The following TESK2 variants were observed in gnomAD, a reference collection of about 807,000 sequenced individuals.
The protein encoded by TESK2 is testis associated actin remodelling kinase 2, also known as dual specificity testis-specific protein kinase 2.
In TESK2, 39 loss-of-function variants were observed where a neutral mutation model predicts 57.1. That is an observed-to-expected ratio of 0.68 (90% CI 0.53 to 0.89). The LOEUF is 0.89. Among genes scored for constraint, TESK2 ranks in the 40% least tolerant of loss-of-function variants. The pLI is 0.00. For synonymous variants in TESK2, 249 were observed against 267.9 expected (o/e 0.93, Z 0.69); for missense variants, 646 against 732.1 (o/e 0.88, Z 1.36).
At chr1:45,386,072 T>C (rs1648881412) in intron 3 of TESK2, 112 bp from the exon 4 acceptor site, 2 of 690,624 alleles carry the variant, frequency 2.9e-6, no homozygotes, top group South Asian at 1.8e-5. Flanking sequence ...GGGTGCGGCA[T>C]GATGGCTTAC....
chr1:45,426,981 G>A (rs1433299840), intron 2 of TESK2, among the ~76,000 whole-genome samples: 2 of 152,070 alleles, frequency 1.3e-5, no homozygotes, highest in African/African-American at 4.8e-5. Context: ...GGTGGCTCAC[G>A]CCTGTAATCC....
intron 3 of TESK2, among the ~76,000 whole-genome samples, chr1:45,407,247 GTT>G (rs35353213): frequency 2.0e-5 from 3 of 151,244 alleles, no homozygotes; most frequent in African/African-American, 4.9e-5. Context: ...CCCACAATGG[GTT>G]TTTTTTTGTT....
chr1:45,469,432 A>G lies in TESK2; in HGVS notation c.-86-11561T>C, dbSNP rs374080841. 2.6e-5 allele frequency among the ~76,000 whole-genome samples: 4 copies of G among 152,206 alleles called. No homozygotes were observed. In the East Asian group the frequency reaches 7.7e-4, roughly 29 times the overall value. On this transcript the variant is annotated intron_variant, in intron 1 of 10. Transcript: ENST00000372086. ...AAGCATGTATTATCATCTCTAATTTAAAGAAAAAGAAATCAAAATCCTGAG... is the reference window on the plus strand; with the variant it reads ...AAGCATGTATTATCATCTCTAATTTGAAGAAAAAGAAATCAAAATCCTGAG...
Position 45,478,489 on chromosome 1 carries a change from G to A in TESK2, c.-87+12363C>T, listed in dbSNP as rs78981210. ...ACAAAGTATAATACTACAATATTGA[G>A]TCAAAATGTACAGTGGAGAAAAAGC... is the stretch of plus-strand genomic sequence containing the variant. On this transcript the variant is annotated intron_variant, in intron 1 of 10. Transcript: ENST00000372086. Among the ~76,000 whole-genome samples, 711 of 152,234 alleles carry A rather than the reference G, an allele frequency of 4.7e-3. 6 individuals carry two copies. Among genetic ancestry groups the A allele is most frequent in the African/African-American group, 0.016 (670 of 41,546 alleles).
Position 45,359,446 on chromosome 1 carries a change from G to GCTA in TESK2, c.394-4000_394-3998dup, listed in dbSNP as rs1326359920. Among the ~76,000 whole-genome samples the GCTA allele has an allele frequency of 7.2e-5, 11 of 152,144 alleles. No individual in the cohort carries two copies. In the East Asian group the frequency reaches 2.1e-3, roughly 29 times the overall value. On this transcript the variant is annotated intron_variant, in intron 4 of 10. Transcript: ENST00000372086. Reference sequence around the variant, plus strand: ...ATGGTGGTGGGTGCCTGTAATCCCAGCTACTCGGGAGGCTGAGGCAGGAGA... The same window carrying GCTA: ...ATGGTGGTGGGTGCCTGTAATCCCAGCTACTACTCGGGAGGCTGAGGCAGGAGA...
At chr1:45,482,603 A>T (rs1486229367) in intron 1 of TESK2, among the ~76,000 whole-genome samples, 2 of 132,830 alleles carry the variant, frequency 1.5e-5, no homozygotes, top group Non-Finnish European at 3.0e-5. Flanking sequence ...CAGCCATTAA[A>T]AAAAAAAAAA....
At chr1:45,347,805 G>A in intron 6 of TESK2, 112 bp from the exon 7 acceptor site, 2 of 1,446,112 alleles carry the variant, frequency 1.4e-6, no homozygotes, top group Non-Finnish European at 1.9e-6. Flanking sequence ...AACAAATTTA[G>A]GGAGCTGAGG....
chr1:45,478,822 C>G (rs1363183324), intron 1 of TESK2, among the ~76,000 whole-genome samples: 2 of 151,646 alleles, frequency 1.3e-5, no homozygotes, highest in Non-Finnish European at 2.9e-5. Flanking sequence ...CTCCTGGGTT[C>G]AAGCAATTCT....
chr1:45,399,400 C>T (rs1263910728), intron 3 of TESK2, among the ~76,000 whole-genome samples: 2 of 152,030 alleles, frequency 1.3e-5, no homozygotes, highest in Non-Finnish European at 2.9e-5. Context: ...CTGCAACCTC[C>T]ACCTCCCAGG....
rs148704793 is a variant in TESK2, at chr1:45,364,278, G to C, written c.394-8829C>G. ...GTTAAGATGAGGTCACATTGGAGTA[G>C]GGCAGGCCCTTAATCCAATACGACT... On this transcript the variant is annotated intron_variant, in intron 4 of 10. Coordinates refer to ENST00000372086, the MANE Select transcript of TESK2 (RefSeq NM_007170.3). Among the ~76,000 whole-genome samples the C allele has an allele frequency of 6.9e-4, 105 of 152,282 alleles. 2 individuals are homozygous for C. In the East Asian group the frequency reaches 0.019, roughly 27 times the overall value.
At chr1:45,443,183 C>T (rs1029348455) in intron 2 of TESK2, among the ~76,000 whole-genome samples, 2 of 151,974 alleles carry the variant, frequency 1.3e-5, no homozygotes, top group African/African-American at 2.4e-5. Flanking sequence ...TGAGACCTGG[C>T]GTGAACCACT....
At chr1:45,372,011 G>A (rs1648209097) in intron 4 of TESK2, among the ~76,000 whole-genome samples, 1 of 152,074 alleles carries the variant, frequency 6.6e-6, no homozygotes. Flanking sequence ...CAGCACTTTA[G>A]AACAAGGTGA....
chr1:45,366,243 G>C (rs7417107), intron 4 of TESK2, among the ~76,000 whole-genome samples: 55,044 of 151,586 alleles, frequency 0.36, 11,875 homozygotes, highest in African/African-American at 0.59. Flanking sequence ...TGGACCACCA[G>C]ACCTGGCTAA....
In TESK2 at chr1:45,436,480, T is replaced by A. The variant is rs1651233137; in HGVS notation, c.223-14634A>T. Among the ~76,000 whole-genome samples, 3 of 5,524 alleles carry A rather than the reference T, an allele frequency of 5.4e-4. No individual in the cohort carries two copies. In the Admixed American group the frequency reaches 6.5e-3, roughly 12 times the overall value. 3.6% of individuals were successfully genotyped at this position (5,524 alleles called of 152,430 possible). ...GATCATGAGCCACCGTGCCTGGCCT[T>A]TTTTTTTTTTTTTTTTTTTTTTTTT... On this transcript the variant is annotated intron_variant, in intron 2 of 10. Coordinates refer to ENST00000372086, the MANE Select transcript of TESK2 (RefSeq NM_007170.3).
chr1:45,435,485 A>G (rs543459300), intron 2 of TESK2, among the ~76,000 whole-genome samples: 196 of 148,070 alleles, frequency 1.3e-3, no homozygotes, highest in African/African-American at 4.8e-3. Context: ...ACTCATCTCG[A>G]ACTCCTGGGC....
intron 2 of TESK2, among the ~76,000 whole-genome samples, chr1:45,428,638 G>T (rs1221945585): frequency 6.6e-6 from 1 of 151,792 alleles, no homozygotes; most frequent in Non-Finnish European, 1.5e-5. Flanking sequence ...GAGAAGCTGG[G>T]ACCACAGCTG....
chr1:45,432,970 C>A (rs1651035532), intron 2 of TESK2, among the ~76,000 whole-genome samples: 1 of 150,358 alleles, frequency 6.7e-6, no homozygotes, highest in African/African-American at 2.4e-5. Context: ...CACTGTGTTG[C>A]CCAGGCTGGT....
At chr1:45,354,140 A>G (rs551463551) in intron 5 of TESK2, among the ~76,000 whole-genome samples, 28 of 152,252 alleles carry the variant, frequency 1.8e-4, no homozygotes, top group Non-Finnish European at 3.2e-4. Flanking sequence ...AACCCTTCTC[A>G]TGTCATTTGC....
intron 1 of TESK2, among the ~76,000 whole-genome samples, chr1:45,485,664 G>A (rs1356358748): frequency 3.3e-5 from 5 of 151,210 alleles, no homozygotes; most frequent in South Asian, 2.1e-4. Flanking sequence ...GATAGCAGGC[G>A]CAGGCCACCT....
Sources: allele counts gnomAD v4.1 joint callset (sites outside exome capture counted in the v4.1 genomes callset), GRCh38; gene constraint gnomAD v4.1.1; transcripts MANE v1.5; gene names NCBI Gene and HGNC (gene_info 2026-07-23, HGNC 2026-07-21).